ATP13A4: variants seen among roughly 807,000 people sequenced by gnomAD.
ATP13A4 encodes the protein probable cation-transporting ATPase 13A4.
A neutral mutation model predicts 142.5 loss-of-function variants in ATP13A4; 114 were observed. The observed-to-expected ratio is 0.80, with a 90% confidence interval of 0.69 to 0.93. The LOEUF is 0.93. Among genes scored for constraint, ATP13A4 ranks in the 40% least tolerant of loss-of-function variants. ATP13A4 has a pLI of 0.00. For missense variants in ATP13A4, 1,392 were observed against 1,454.0 expected, an observed-to-expected ratio of 0.96 and a Z score of 0.69; for synonymous variants, 488 against 514.8, an observed-to-expected ratio of 0.95 and a Z score of 0.70.
chr3:193,414,492 A>G, intron 26 of ATP13A4, 87 bp downstream of exon 26: 1 of 1,495,978 alleles, frequency 6.7e-7, no homozygotes, highest in South Asian at 1.2e-5. Flanking sequence ...GGCAGAATGA[A>G]GACCCATGTG....
intron 2 of ATP13A4, among the ~76,000 whole-genome samples, chr3:193,513,017 C>T (rs965061659): frequency 3.9e-5 from 6 of 152,224 alleles, no homozygotes; most frequent in African/African-American, 1.4e-4. Context: ...TCCTTAAAGT[C>T]TTAAAGCTTA....
chr3:193,445,191 A>G (rs1169382666), intron 18 of ATP13A4, among the ~76,000 whole-genome samples: 1 of 152,102 alleles, frequency 6.6e-6, no homozygotes, highest in Non-Finnish European at 1.5e-5. Context: ...TAGTCCCAGC[A>G]CTTTGGGAGG....
intron 8 of ATP13A4, among the ~76,000 whole-genome samples, chr3:193,481,345 C>A (rs1577008487): frequency 6.6e-6 from 1 of 152,192 alleles, no homozygotes; most frequent in South Asian, 2.1e-4. Context: ...ATGTTTTGAA[C>A]TTTATATTCT....
chr3:193,486,620 T>G (rs1006576351), intron 7 of ATP13A4, among the ~76,000 whole-genome samples: 1 of 152,236 alleles, frequency 6.6e-6, no homozygotes, highest in Non-Finnish European at 1.5e-5. Context: ...TTGAGTTTTA[T>G]GTCAAAAGTG....
Position 193,419,754 on chromosome 3 carries a change from T to C in ATP13A4, c.2843-5004A>G, listed in dbSNP as rs78164639. Among the ~76,000 whole-genome samples, 830 of 150,254 alleles carry C rather than the reference T, an allele frequency of 5.5e-3. 47 individuals are homozygous for C. The highest frequency in any genetic ancestry group is 0.02 in the African/African-American group (799 of 40,928). On this transcript the variant is annotated intron_variant, in intron 25 of 29. Coordinates refer to ENST00000342695, the MANE Select transcript of ATP13A4 (RefSeq NM_032279.4). ...AAATAGCTCTAGTTCCCTGGTTCCC[T>C]AGAGCTTGACTAGCTGGACTAGAGT...
rs1302113197 is a variant in ATP13A4 at position 193,593,089 on chromosome 3, C to T, written n.23G>A. 3 of 407,720 alleles carry T rather than the reference C, an allele frequency of 7.4e-6. No individual in the cohort carries two copies. The East Asian group carries it at 1.1e-4, about 15-fold the overall frequency. The allele number at this position is 407,720 out of a possible 1,614,324, so 25.3% of individuals were successfully genotyped here. ...GGGCCCCGTGAGAGGCGATGGATTG[C>T]TCCAGTCCGTTCCCGACGCACTGTG... is the stretch of plus-strand genomic sequence containing the variant. On this transcript the variant is annotated non_coding_transcript_exon_variant, in exon 1 of 4. Coordinates refer to the ATP13A4 transcript ENST00000489140.
At chr3:193,430,011 T>C (rs1054007266) in intron 25 of ATP13A4, among the ~76,000 whole-genome samples, 3 of 152,084 alleles carry the variant, frequency 2.0e-5, no homozygotes, top group South Asian at 4.1e-4. Flanking sequence ...ACTTAATATA[T>C]GTTAAACAGA....
At chr3:193,473,096 A>G (rs539318941) in intron 8 of ATP13A4, among the ~76,000 whole-genome samples, 2 of 152,348 alleles carry the variant, frequency 1.3e-5, no homozygotes, top group Admixed American at 1.3e-4. Flanking sequence ...TTCCTTAGAG[A>G]GAGGACTGAG....
At chr3:193,462,932 C>T in intron 12 of ATP13A4, 109 bp from the exon 13 acceptor site, 3 of 1,130,474 alleles carry the variant, frequency 2.7e-6, no homozygotes, top group Admixed American at 1.9e-5. Context: ...ATCACTTGAA[C>T]TCAGGAGTTT....
chr3:193,496,817 AATAAATAAAT>A (rs1479929236), intron 3 of ATP13A4, among the ~76,000 whole-genome samples: 1 of 150,738 alleles, frequency 6.6e-6, no homozygotes, highest in Admixed American at 6.6e-5. Context: ...TAAATAAATA[AATAAATAAAT>A]AAATAAATAA....
At chr3:193,429,249 G>T (rs776271060) in intron 25 of ATP13A4, among the ~76,000 whole-genome samples, 3 of 152,020 alleles carry the variant, frequency 2.0e-5, no homozygotes, top group Admixed American at 6.6e-5. Flanking sequence ...TAGTTCGGTG[G>T]TTCCTTGAAA....
intron 2 of ATP13A4, among the ~76,000 whole-genome samples, chr3:193,568,221 A>G (rs1724183061): frequency 6.6e-6 from 1 of 151,932 alleles, no homozygotes; most frequent in Non-Finnish European, 1.5e-5. Flanking sequence ...TCAGACTCCC[A>G]AAGTGCTGGG....
rs78257740 is a variant in ATP13A4, at chr3:193,531,566, A to G, written c.61-16695T>C. Reference sequence around the variant, plus strand: ...AATGTGAGCTCCTTGAGGCAGAAACAGAGCTGCATCTACTTTGTATCTCAA... The same window carrying G: ...AATGTGAGCTCCTTGAGGCAGAAACGGAGCTGCATCTACTTTGTATCTCAA... On this transcript the variant is annotated intron_variant, in intron 1 of 29. Coordinates refer to ENST00000342695, the MANE Select transcript of ATP13A4 (RefSeq NM_032279.4). Among the ~76,000 whole-genome samples the G allele has an allele frequency of 5.4e-3, 828 of 152,364 alleles. 14 individuals carry two copies. The East Asian group carries it at 0.07, about 13-fold the overall frequency.
chr3:193,464,057 T>C (rs1718119155), intron 12 of ATP13A4, among the ~76,000 whole-genome samples: 1 of 152,214 alleles, frequency 6.6e-6, no homozygotes, highest in Non-Finnish European at 1.5e-5. Flanking sequence ...ATGGCTAAAA[T>C]AGTAAATTTT....
At chr3:193,532,328 C>A (rs368698074) in intron 1 of ATP13A4, among the ~76,000 whole-genome samples, 1 of 150,592 alleles carries the variant, frequency 6.6e-6, no homozygotes, top group Middle Eastern at 3.4e-3. Flanking sequence ...CAATGCTATT[C>A]CTATACTTTG....
At chr3:193,518,280 T>G (rs921572390) in intron 1 of ATP13A4, among the ~76,000 whole-genome samples, 1 of 152,222 alleles carries the variant, frequency 6.6e-6, no homozygotes, top group Admixed American at 6.5e-5. Context: ...GCACTTCAAA[T>G]GTATGAGCTC....
At chr3:193,556,476 T>G (rs139733664), upstream of ATP13A4, among the ~76,000 whole-genome samples, 120 of 149,474 alleles carry the variant, frequency 8.0e-4, no homozygotes, top group African/African-American at 2.8e-3. Flanking sequence ...ACAAAATATA[T>G]ATGTACGTGT....
intron 26 of ATP13A4, among the ~76,000 whole-genome samples, chr3:193,413,115 G>C (rs956967710): frequency 1.3e-5 from 2 of 152,132 alleles, no homozygotes; most frequent in African/African-American, 4.8e-5. Context: ...AAATTGTGAA[G>C]ATTTCATTTT....
chr3:193,421,140 A>G (rs1469698343), intron 25 of ATP13A4, among the ~76,000 whole-genome samples: 1 of 150,082 alleles, frequency 6.7e-6, no homozygotes, highest in Non-Finnish European at 1.5e-5. Flanking sequence ...AAAATAAAGG[A>G]CAAAGATAGA....
Sources: allele counts gnomAD v4.1 joint callset (sites outside exome capture counted in the v4.1 genomes callset), GRCh38; gene constraint gnomAD v4.1.1; transcripts MANE v1.5; gene names NCBI Gene and HGNC (gene_info 2026-07-23, HGNC 2026-07-21).